The following KIF26B variants were observed in gnomAD, a reference collection of about 807,000 sequenced individuals.
KIF26B encodes kinesin family member 26B.
KIF26B carries 63 observed loss-of-function variants against 151.2 expected under a neutral mutation model. That is an observed-to-expected ratio of 0.42 (90% CI 0.34 to 0.51). KIF26B has a LOEUF of 0.51. Among genes scored for constraint, KIF26B ranks in the 20% least tolerant of loss-of-function variants. The pLI, the probability that KIF26B is intolerant of heterozygous loss-of-function variation, is 0.07. For synonymous variants in KIF26B, 1,357 were observed against 1,262.1 expected, an observed-to-expected ratio of 1.08 and a Z score of -1.59; for missense variants, 2,813 against 2,913.6, an observed-to-expected ratio of 0.97 and a Z score of 0.79.
intron 4 of KIF26B, among the ~76,000 whole-genome samples, chr1:245,505,690 A>G (rs1291743212): frequency 1.3e-5 from 2 of 152,236 alleles, no homozygotes; most frequent in Admixed American, 1.3e-4. Flanking sequence ...TCATACATAA[A>G]GCATTATATA....
intron 3 of KIF26B, among the ~76,000 whole-genome samples, chr1:245,369,300 C>T (rs1483659578): frequency 6.6e-6 from 1 of 152,108 alleles, no homozygotes; most frequent in Non-Finnish European, 1.5e-5. Flanking sequence ...AGGAACAAGT[C>T]GAGTGAACAC....
chr1:245,463,677 G>A (rs1012299633), intron 4 of KIF26B, among the ~76,000 whole-genome samples: 5 of 152,312 alleles, frequency 3.3e-5, no homozygotes, highest in South Asian at 2.1e-4. Flanking sequence ...GTCCTGTGGT[G>A]CAGCTGCTGT....
chr1:245,186,213 A>G (rs778834307), intron 2 of KIF26B, among the ~76,000 whole-genome samples: 10 of 151,266 alleles, frequency 6.6e-5, no homozygotes, highest in Non-Finnish European at 1.3e-4. Flanking sequence ...ACGTGCGCTA[A>G]TTTTCCAAAT....
At chr1:245,359,596 C>T (rs1672770778) in intron 2 of KIF26B, among the ~76,000 whole-genome samples, 1 of 152,080 alleles carries the variant, frequency 6.6e-6, no homozygotes, top group Non-Finnish European at 1.5e-5. Flanking sequence ...TCAGAGATGT[C>T]AGCTCAGGAA....
At position 245,236,634 on chromosome 1, in the gene KIF26B, A is replaced by G. The variant is rs992923099; in HGVS notation, c.465+79951A>G. Among the ~76,000 whole-genome samples, 13 of 152,360 alleles carry G rather than the reference A, an allele frequency of 8.5e-5. No homozygotes were observed. In the South Asian group the frequency reaches 1.7e-3, roughly 19 times the overall value. Reference sequence around the variant, plus strand: ...GTTGTATTTTCTTGAAGCAAATTTTATAATGCATGCGACTTGATTTTTCCT... The same window carrying G: ...GTTGTATTTTCTTGAAGCAAATTTTGTAATGCATGCGACTTGATTTTTCCT... On this transcript the variant is annotated intron_variant, in intron 2 of 14. Coordinates refer to ENST00000407071, the MANE Select transcript of KIF26B (RefSeq NM_018012.4).
At chr1:245,591,612 T>A (rs182766941) in intron 5 of KIF26B, among the ~76,000 whole-genome samples, 55 of 152,306 alleles carry the variant, frequency 3.6e-4, no homozygotes, top group African/African-American at 1.3e-3. Flanking sequence ...ACAGCGAGTG[T>A]CACTGAGGTC....
At chr1:245,479,086 G>A (rs1323540921) in intron 4 of KIF26B, among the ~76,000 whole-genome samples, 1 of 151,678 alleles carries the variant, frequency 6.6e-6, no homozygotes, top group Non-Finnish European at 1.5e-5. Flanking sequence ...GAGACGTCCA[G>A]CAGAGGGCTG....
chr1:245,602,554 T>C lies in KIF26B; in HGVS notation c.1351-23T>C, dbSNP rs775425529. 3.8e-6 allele frequency: 6 copies of C among 1,581,886 alleles called. No homozygotes were observed. The highest frequency in any genetic ancestry group is 5.2e-6 in the Non-Finnish European group (6 of 1,160,986). On this transcript the variant is annotated intron_variant, in intron 5 of 14. Coordinates refer to ENST00000407071, the MANE Select transcript of KIF26B (RefSeq NM_018012.4). The surrounding 1 kb of genome is among the most constrained non-coding windows in gnomAD (Gnocchi z 4.5). Reference sequence around the variant, plus strand: ...AACACCCAGCTGTCTTCATCCATGCTGTCGCCCATCTTTTCTTAACAGGTG... The same window carrying C: ...AACACCCAGCTGTCTTCATCCATGCCGTCGCCCATCTTTTCTTAACAGGTG...
At chr1:245,245,372 G>C (rs1431162933) in intron 2 of KIF26B, among the ~76,000 whole-genome samples, 1 of 152,180 alleles carries the variant, frequency 6.6e-6, no homozygotes, top group Non-Finnish European at 1.5e-5. Context: ...TCTTGCTGTT[G>C]CCCTTTCTGA....
intron 2 of KIF26B, among the ~76,000 whole-genome samples, chr1:245,261,463 TTCTTTCTCTCTCTCTC>T (rs1318812817): frequency 1.0e-5 from 1 of 97,022 alleles, no homozygotes; most frequent in Non-Finnish European, 2.0e-5. Context: ...TGCTTTTTCT[TTCTTTCTCTCTCTCTC>T]TCTCTCTCTC....
At chr1:245,576,288 G>A (rs1188252410) in intron 5 of KIF26B, among the ~76,000 whole-genome samples, 1 of 152,206 alleles carries the variant, frequency 6.6e-6, no homozygotes, top group Admixed American at 6.5e-5. Flanking sequence ...CCATCTATAC[G>A]TGAAGTGTCA....
chr1:245,524,412 A>G (rs1661193030), intron 4 of KIF26B, among the ~76,000 whole-genome samples: 1 of 152,132 alleles, frequency 6.6e-6, no homozygotes, highest in Non-Finnish European at 1.5e-5. Context: ...AGGTTTTATT[A>G]TTCTTACCCA....
chr1:245,530,839 A>C (rs1661342775), intron 4 of KIF26B, among the ~76,000 whole-genome samples: 1 of 152,240 alleles, frequency 6.6e-6, no homozygotes, highest in Non-Finnish European at 1.5e-5. Flanking sequence ...GGGTGAACCA[A>C]AGATGGCTTT....
At chr1:245,629,717 T>C (rs1452015174) in intron 9 of KIF26B, among the ~76,000 whole-genome samples, 1 of 151,982 alleles carries the variant, frequency 6.6e-6, no homozygotes, top group Non-Finnish European at 1.5e-5. Flanking sequence ...CCAAAAGCAA[T>C]TGCCAACAAA....
In KIF26B at chr1:245,540,900, T is replaced by C; in HGVS notation, c.1300T>C (p.Cys434Arg). 1 of 1,613,900 alleles carries C rather than the reference T, an allele frequency of 6.2e-7. No homozygotes were observed. The highest frequency in any genetic ancestry group is 8.5e-7 in the Non-Finnish European group (1 of 1,179,844). The change falls in exon 5 of 15, where the codon TGC (cysteine) becomes CGC (arginine). Residue 434 changes from cysteine to arginine, a missense_variant. Transcript: ENST00000407071. The surrounding 1 kb of genome is among the most constrained non-coding windows in gnomAD (Gnocchi z 4.6). ...GACCTCCCCTCCCCCAGCCCCACCC[T>C]GCCTGCTGAGGGCTGTCAACAAGGT... Reference protein sequence around the residue: ...LQTSPPPAPPCLLRAVNKVKD... With the variant: ...LQTSPPPAPPRLLRAVNKVKD...
intron 5 of KIF26B, among the ~76,000 whole-genome samples, chr1:245,547,613 A>C (rs1661776798): frequency 6.7e-6 from 1 of 148,342 alleles, no homozygotes; most frequent in South Asian, 2.1e-4. Flanking sequence ...AAAAGTGTGA[A>C]GCCATTTTCA....
intron 10 of KIF26B, among the ~76,000 whole-genome samples, chr1:245,659,029 A>G (rs1413800105): frequency 2.0e-5 from 3 of 152,066 alleles, no homozygotes; most frequent in Non-Finnish European, 2.9e-5. Context: ...CCCAAGTTCA[A>G]GACCAGCCTG....
intron 6 of KIF26B, among the ~76,000 whole-genome samples, chr1:245,607,306 C>T (rs1275031770): frequency 3.3e-5 from 5 of 152,132 alleles, no homozygotes; most frequent in East Asian, 1.9e-4. Context: ...AGACCTTATC[C>T]GGGACCCCAG....
chr1:245,305,988 G>A (rs71636539), intron 2 of KIF26B, among the ~76,000 whole-genome samples: 7,526 of 149,306 alleles, frequency 0.05, 261 homozygotes, highest in Middle Eastern at 0.095. Flanking sequence ...TATAGCCCCT[G>A]TGGAAGAGAA....
Sources: allele counts gnomAD v4.1 joint callset (sites outside exome capture counted in the v4.1 genomes callset), GRCh38; gene constraint gnomAD v4.1.1; non-coding constraint Gnocchi (gnomAD v3.1); transcripts MANE v1.5; gene names NCBI Gene and HGNC (gene_info 2026-07-23, HGNC 2026-07-21).